The following CUX1 variants were observed in gnomAD, a reference collection of about 807,000 sequenced individuals.
CUX1 encodes cut like homeobox 1.
Under a neutral mutation model 158.8 loss-of-function variants are expected in CUX1, and 31 were observed. The observed-to-expected ratio is 0.20, with a 90% CI of 0.15 to 0.26. CUX1 has a LOEUF of 0.26. Ranked by LOEUF, CUX1 falls within the 10% of genes least tolerant of loss-of-function variation. The pLI is 1.00. For missense variants in CUX1, 1,589 were observed against 2,014.6 expected (o/e 0.79, Z 4.04); for synonymous variants, 879 against 862.1 (o/e 1.02, Z -0.34).
At chr7:102,220,368 AAAAC>A (rs1554526492) in intron 20 of CUX1, among the ~76,000 whole-genome samples, 1 of 152,162 alleles carries the variant, frequency 6.6e-6, no homozygotes, top group African/African-American at 2.4e-5. Flanking sequence ...CTGAAAACAA[AAAAC>A]AAACAGGAGG....
At chr7:101,835,675 A>C (rs1021215569) in intron 1 of CUX1, among the ~76,000 whole-genome samples, 1 of 152,176 alleles carries the variant, frequency 6.6e-6, no homozygotes, top group African/African-American at 2.4e-5. Flanking sequence ...TGGGGTATCC[A>C]TCCATCACAG....
chr7:101,898,738 G>C (rs1437222235), intron 1 of CUX1, among the ~76,000 whole-genome samples: 1 of 151,832 alleles, frequency 6.6e-6, no homozygotes, highest in African/African-American at 2.4e-5. Context: ...TTACAGGCAC[G>C]CACCACCACA....
intron 1 of CUX1, among the ~76,000 whole-genome samples, chr7:101,873,133 A>G (rs1312445337): frequency 6.7e-6 from 1 of 150,008 alleles, no homozygotes; most frequent in Non-Finnish European, 1.5e-5. Context: ...GGTCTCCCAA[A>G]GTGCTAGGAT....
intron 14 of CUX1, among the ~76,000 whole-genome samples, chr7:102,271,569 G>A (rs1429570293): frequency 6.6e-6 from 1 of 152,182 alleles, no homozygotes; most frequent in Non-Finnish European, 1.5e-5. Flanking sequence ...TCTCCTTAAA[G>A]TCCCTGCAGG....
At chr7:101,867,937 C>T (rs1351272753) in intron 1 of CUX1, among the ~76,000 whole-genome samples, 1 of 152,002 alleles carries the variant, frequency 6.6e-6, no homozygotes, top group Admixed American at 6.5e-5. Flanking sequence ...TCTTGAACTC[C>T]TGACTTCAAG....
intron 8 of CUX1, among the ~76,000 whole-genome samples, chr7:102,148,266 C>T (rs564652542): frequency 5.3e-5 from 8 of 152,094 alleles, no homozygotes; most frequent in Non-Finnish European, 1.2e-4. Context: ...AGGCTGGGCA[C>T]GGTGGCTCAC....
chr7:102,192,607 G>C (rs1554517295), intron 12 of CUX1, among the ~76,000 whole-genome samples: 3 of 152,106 alleles, frequency 2.0e-5, no homozygotes, highest in Non-Finnish European at 4.4e-5. Flanking sequence ...ATCACCTGAG[G>C]TCAGGAAACC....
chr7:102,064,997 G>C (rs1478722064), intron 3 of CUX1, among the ~76,000 whole-genome samples: 1 of 152,214 alleles, frequency 6.6e-6, no homozygotes, highest in Non-Finnish European at 1.5e-5. Flanking sequence ...ACTGGCTGCA[G>C]CAGGGAAGTC....
At chr7:101,833,303 C>G (rs893456402) in intron 1 of CUX1, among the ~76,000 whole-genome samples, 7 of 150,686 alleles carry the variant, frequency 4.6e-5, no homozygotes, top group African/African-American at 1.7e-4. Context: ...GATACCAATA[C>G]TTTAGGAGGT....
chr7:101,977,069 C>T (rs1812797982), intron 2 of CUX1, among the ~76,000 whole-genome samples: 1 of 151,814 alleles, frequency 6.6e-6, no homozygotes, highest in Non-Finnish European at 1.5e-5. Flanking sequence ...TGTACCACCA[C>T]ACCCGGCTAA....
intron 2 of CUX1, among the ~76,000 whole-genome samples, chr7:101,966,215 G>A (rs942034307): frequency 1.3e-5 from 2 of 151,620 alleles, no homozygotes; most frequent in African/African-American, 2.4e-5. Context: ...ACAGGTGCGC[G>A]TCACCATGCC....
intron 6 of CUX1, among the ~76,000 whole-genome samples, chr7:102,111,269 A>T (rs1830853208): frequency 1.3e-5 from 2 of 152,212 alleles, no homozygotes; most frequent in South Asian, 4.1e-4. Flanking sequence ...GAGACGGAAC[A>T]GCTGCCACAT....
chr7:102,280,202 A>G (rs1791959404), intron 19 of CUX1: 1 of 831,218 alleles, frequency 1.2e-6, no homozygotes, highest in East Asian at 2.5e-5. Flanking sequence ...CTTGGCCCCT[A>G]TCCCTGAGCA....
intron 2 of CUX1, among the ~76,000 whole-genome samples, chr7:101,952,448 G>A (rs539757135): frequency 2.6e-5 from 4 of 152,238 alleles, no homozygotes; most frequent in East Asian, 1.9e-4. Context: ...GAAAATACGC[G>A]GGCAGGCCCA....
intron 14 of CUX1, among the ~76,000 whole-genome samples, chr7:102,265,187 C>T (rs1175003071): frequency 4.6e-5 from 7 of 152,080 alleles, no homozygotes; most frequent in Admixed American, 4.6e-4. Context: ...GAAACCCTGT[C>T]TCTACTAAAA....
intron 2 of CUX1, among the ~76,000 whole-genome samples, chr7:102,021,614 C>CTTTTTT (rs67147187): frequency 1.3e-3 from 140 of 109,310 alleles, no homozygotes; most frequent in South Asian, 1.9e-3. Context: ...TTTTTTTTCT[C>CTTTTTT]TTTTTTTTTT....
chr7:102,278,074 C>A (rs1554548169), intron 18 of CUX1: 2 of 1,580,648 alleles, frequency 1.3e-6, no homozygotes, highest in Admixed American at 1.7e-5. Flanking sequence ...GGGTGAGGGC[C>A]CTCCCCTGGC....
intron 1 of CUX1, among the ~76,000 whole-genome samples, chr7:101,842,986 C>T (rs1418562862): frequency 1.3e-5 from 2 of 151,322 alleles, no homozygotes; most frequent in South Asian, 2.1e-4. Flanking sequence ...CTGCCTCAGC[C>T]TCCTGAGTAG....
chr7:102,130,100 A>G (rs1409587541), intron 8 of CUX1, among the ~76,000 whole-genome samples: 2 of 152,158 alleles, frequency 1.3e-5, no homozygotes, highest in African/African-American at 2.4e-5. Flanking sequence ...TTGTTGAGGA[A>G]TGTCTCCAAT....
Sources: gnomAD v4.1 joint callset for allele counts (sites outside exome capture counted in the v4.1 genomes callset) on GRCh38, gnomAD v4.1.1 for gene constraint, MANE v1.5 for transcripts, NCBI Gene and HGNC (gene_info 2026-07-23, HGNC 2026-07-21) for gene names.